The following LINGO2 variants were observed in gnomAD, a reference collection of about 807,000 sequenced individuals.
The protein encoded by LINGO2 is leucine-rich repeat and immunoglobulin-like domain-containing nogo receptor-interacting protein 2.
In LINGO2, 14 loss-of-function variants were observed where a neutral mutation model predicts 30.6. That is an observed-to-expected ratio of 0.46 (90% CI 0.30 to 0.72). The LOEUF (loss-of-function observed/expected upper bound fraction) is 0.72. LINGO2 is among the 30% of genes least tolerant of loss of function. LINGO2 has a pLI of 0.07. For synonymous variants in LINGO2, 317 were observed against 288.5 expected (o/e 1.10, Z -1.00); for missense variants, 729 against 751.7 (o/e 0.97, Z 0.35).
At chr9:28,138,464 G>T (rs553639454) in intron 4 of LINGO2, among the ~76,000 whole-genome samples, 2 of 152,290 alleles carry the variant, frequency 1.3e-5, no homozygotes, top group South Asian at 4.1e-4. Flanking sequence ...ATCAAATGCA[G>T]AATTGACACA....
chr9:28,997,813 ACT>A, the LINGO2 span, among the ~76,000 whole-genome samples: 1 of 125,526 alleles, frequency 8.0e-6, no homozygotes, highest in African/African-American at 2.8e-5. Context: ...ACAGAGCAAG[ACT>A]CTGTCTCAAA....
chr9:28,465,926 G>A (rs1465953710), intron 2 of LINGO2, among the ~76,000 whole-genome samples: 2 of 152,106 alleles, frequency 1.3e-5, no homozygotes, highest in African/African-American at 4.8e-5. Flanking sequence ...TGTCACCCCA[G>A]TTAAAATGGT....
At chr9:28,495,777 C>T (rs1819592455) in intron 1 of LINGO2, among the ~76,000 whole-genome samples, 3 of 152,126 alleles carry the variant, frequency 2.0e-5, no homozygotes, top group Admixed American at 1.3e-4. Flanking sequence ...ATATTTCCTG[C>T]TTTCTCTTGT....
intron 5 of LINGO2, among the ~76,000 whole-genome samples, chr9:27,972,932 C>A (rs971870592): frequency 5.3e-5 from 8 of 152,182 alleles, no homozygotes; most frequent in African/African-American, 1.9e-4. Context: ...ATTGTTCAAT[C>A]TGTGAGGGCT....
chr9:28,356,165 G>A (rs1237511418), intron 3 of LINGO2, among the ~76,000 whole-genome samples: 1 of 152,086 alleles, frequency 6.6e-6, no homozygotes, highest in African/African-American at 2.4e-5. Flanking sequence ...AAAGATATTT[G>A]CTTCTGGCTA....
the LINGO2 span, among the ~76,000 whole-genome samples, chr9:29,079,227 C>T: frequency 6.6e-6 from 1 of 151,976 alleles, no homozygotes; most frequent in African/African-American, 2.4e-5. Flanking sequence ...CCTTGTATTC[C>T]TTCTTTCTAC....
intron 1 of LINGO2, among the ~76,000 whole-genome samples, chr9:28,615,558 TA>T (rs1826101192): frequency 6.6e-6 from 1 of 152,128 alleles, no homozygotes; most frequent in African/African-American, 2.4e-5. Flanking sequence ...AAAATTATTA[TA>T]AATAATTAAC....
At chr9:28,459,586 T>C (rs764739494) in intron 2 of LINGO2, among the ~76,000 whole-genome samples, 5 of 152,084 alleles carry the variant, frequency 3.3e-5, no homozygotes, top group Non-Finnish European at 5.9e-5. Context: ...TGAATATTAA[T>C]ATGGATCTAG....
exon 6 of LINGO2, chr9:27,950,478 C>G (rs1193767263): frequency 6.2e-7 from 1 of 1,605,272 alleles, no homozygotes; most frequent in African/African-American, 1.3e-5. Context: ...CCTGTTTTTA[C>G]TGAGGTCCAA....
the LINGO2 span, among the ~76,000 whole-genome samples, chr9:28,757,087 C>T: frequency 6.6e-6 from 1 of 151,810 alleles, no homozygotes; most frequent in Non-Finnish European, 1.5e-5. Flanking sequence ...TAGCTTTAAC[C>T]AGTTTATTTA....
At chr9:29,170,679 T>C in the LINGO2 span, among the ~76,000 whole-genome samples, 1 of 152,130 alleles carries the variant, frequency 6.6e-6, no homozygotes, top group South Asian at 2.1e-4. Flanking sequence ...TTGTCACCTA[T>C]GTAAGAGAGA....
At chr9:28,040,643 T>C (rs1423807488) in intron 4 of LINGO2, among the ~76,000 whole-genome samples, 1 of 152,184 alleles carries the variant, frequency 6.6e-6, no homozygotes, top group African/African-American at 2.4e-5. Context: ...TATAATACAT[T>C]GAGTGTCTAC....
chr9:28,561,749 G>GTGTATATATATATATA (rs772157537), intron 1 of LINGO2, among the ~76,000 whole-genome samples: 3 of 48,718 alleles, frequency 6.2e-5, no homozygotes, highest in Non-Finnish European at 1.1e-4. Context: ...GTGTGTGTGT[G>GTGTATATATATATATA]TATATATATA....
chr9:28,628,087 G>T (rs1218160269), intron 1 of LINGO2, among the ~76,000 whole-genome samples: 5 of 151,830 alleles, frequency 3.3e-5, no homozygotes, highest in African/African-American at 4.8e-5. Flanking sequence ...AATGCAGGCT[G>T]GTCACCCAAG....
At chr9:28,369,494 T>C (rs768555869) in intron 3 of LINGO2, among the ~76,000 whole-genome samples, 7 of 152,230 alleles carry the variant, frequency 4.6e-5, no homozygotes, top group Admixed American at 1.3e-4. Context: ...AGAATATGCA[T>C]GGCTAAGACA....
chr9:29,049,086 C>A, the LINGO2 span, among the ~76,000 whole-genome samples: 3 of 151,896 alleles, frequency 2.0e-5, no homozygotes, highest in Admixed American at 6.6e-5. Flanking sequence ...GATTAATAAC[C>A]CAGAATATAC....
chr9:28,107,309 A>G (rs930603766), intron 4 of LINGO2, among the ~76,000 whole-genome samples: 9 of 152,166 alleles, frequency 5.9e-5, no homozygotes, highest in African/African-American at 2.2e-4. Flanking sequence ...CTTAGTGTGT[A>G]AAATGTACAA....
At chr9:28,811,470 A>G in the LINGO2 span, among the ~76,000 whole-genome samples, 31 of 152,138 alleles carry the variant, frequency 2.0e-4, no homozygotes, top group African/African-American at 7.2e-4. Context: ...TCTTCTTATT[A>G]AACTGGGAAG....
intron 1 of LINGO2, among the ~76,000 whole-genome samples, chr9:28,547,786 AAAGGCTGAACATATACAGAGTG>A (rs1304966628): frequency 6.6e-6 from 1 of 152,116 alleles, no homozygotes; most frequent in Non-Finnish European, 1.5e-5. Flanking sequence ...GAGAATGACA[AAAGGCTGAACATATACAGAGTG>A]AATGGTGAAT....
Sources: gnomAD v4.1 joint callset for allele counts (sites outside exome capture counted in the v4.1 genomes callset) on GRCh38, gnomAD v4.1.1 for gene constraint, MANE v1.5 for transcripts, NCBI Gene and HGNC (gene_info 2026-07-23, HGNC 2026-07-21) for gene names.